The following PIEZO2 variants were observed in gnomAD, a reference collection of about 807,000 sequenced individuals.
The protein encoded by PIEZO2 is piezo type mechanosensitive ion channel component 2, also known as piezo-type mechanosensitive ion channel component 2.
A neutral mutation model predicts 337.3 loss-of-function variants in PIEZO2; 172 were observed. The observed-to-expected ratio is 0.51, with a 90% CI of 0.45 to 0.58. The LOEUF (loss-of-function observed/expected upper bound fraction) is 0.58, where lower values mean the gene tolerates loss of function less well. Among genes scored for constraint, PIEZO2 ranks in the 20% least tolerant of loss-of-function variants. The pLI, the probability that PIEZO2 is intolerant of heterozygous loss-of-function variation, is 0.00. For synonymous variants in PIEZO2, 1,251 were observed against 1,228.5 expected (o/e 1.02, Z -0.38); for missense variants, 3,028 against 3,391.3 (o/e 0.89, Z 2.66).
intron 33 of PIEZO2, chr18:10,740,793 G>A: frequency 1.5e-6 from 1 of 656,812 alleles, no homozygotes; most frequent in Non-Finnish European, 2.8e-6. Context: ...TAAGCCACGT[G>A]TTTGGCTTTC....
intron 3 of PIEZO2, among the ~76,000 whole-genome samples, chr18:10,970,728 C>T (rs1196447422): frequency 6.7e-6 from 1 of 149,174 alleles, no homozygotes; most frequent in Non-Finnish European, 1.5e-5. Flanking sequence ...TATGGTGAGT[C>T]AGGAGAAAGA....
intron 7 of PIEZO2, among the ~76,000 whole-genome samples, chr18:10,839,567 G>T (rs547714606): frequency 6.6e-6 from 1 of 152,306 alleles, no homozygotes; most frequent in African/African-American, 2.4e-5. Context: ...CACTTCATGT[G>T]CTGGCTGGTG....
intron 1 of PIEZO2, among the ~76,000 whole-genome samples, chr18:11,075,839 A>G (rs964434549): frequency 2.2e-5 from 3 of 139,026 alleles, no homozygotes; most frequent in African/African-American, 5.6e-5. Context: ...CCCAGGCTGG[A>G]GTGCAGTGGC....
intron 2 of PIEZO2, among the ~76,000 whole-genome samples, chr18:10,986,115 C>A (rs2034860517): frequency 6.6e-6 from 1 of 151,898 alleles, no homozygotes; most frequent in South Asian, 2.1e-4. Flanking sequence ...CAAAAGAAAA[C>A]TTAGGAATAC....
At chr18:11,138,440 C>A (rs371536608) in intron 1 of PIEZO2, among the ~76,000 whole-genome samples, 4 of 152,096 alleles carry the variant, frequency 2.6e-5, no homozygotes, top group Non-Finnish European at 4.4e-5. Flanking sequence ...GGACTACAGG[C>A]GTGTGCCACC....
rs935932860 is a variant in PIEZO2, at chr18:10,781,063, A to G, written c.2493-697T>C. Among the ~76,000 whole-genome samples, 3 of 152,016 alleles carry G rather than the reference A, an allele frequency of 2.0e-5. No homozygotes were observed. The highest frequency in any genetic ancestry group is 7.2e-5 in the African/African-American group (3 of 41,404). On this transcript the variant is annotated intron_variant, in intron 17 of 55. Coordinates refer to ENST00000674853, the MANE Select transcript of PIEZO2 (RefSeq NM_001378183.1). The surrounding 1 kb of genome is among the most constrained non-coding windows in gnomAD (Gnocchi z 4.1). ...AGGATCCTACTCAGCGGCCATATTC[A>G]ACATGTTGTTTTCTAAGGTTTTGCT... is the stretch of plus-strand genomic sequence containing the variant.
intron 1 of PIEZO2, among the ~76,000 whole-genome samples, chr18:11,117,103 C>A (rs187810397): frequency 2.0e-5 from 3 of 152,024 alleles, no homozygotes; most frequent in East Asian, 3.9e-4. Context: ...AAGATTCTGT[C>A]CCCCCCACAA....
chr18:10,680,370 C>T lies in PIEZO2; in HGVS notation c.7781G>A (p.Gly2594Asp), dbSNP rs769464245. ...KFIQAFSRDTGAMQFLENYEK... is the reference protein window; with the variant it reads ...KFIQAFSRDTDAMQFLENYEK... ...ATAATTTTCCAGAAATTGCATAGCA[C>T]CCTGTATGTGCACAAATGCACATGC... Residue 2594 changes from glycine to aspartate, a missense_variant and splice_region_variant, in exon 52 of 56, where the codon GGT becomes GAT. Around this residue, in one of 5 missense-constraint regions of PIEZO2, gnomAD observed 332 missense variants for 363.8 expected, o/e 0.91. Transcript: ENST00000674853. The T allele has an allele frequency of 6.2e-7, 1 of 1,613,130 alleles. No individual in the cohort carries two copies. Among genetic ancestry groups the T allele is most frequent in the Non-Finnish European group, 8.5e-7 (1 of 1,179,472 alleles).
At chr18:10,684,132 CTCTT>C (rs1285060192) in intron 49 of PIEZO2, among the ~76,000 whole-genome samples, 31 of 120,086 alleles carry the variant, frequency 2.6e-4, no homozygotes, top group Non-Finnish European at 3.5e-4. Context: ...TTCTCTCTCT[CTCTT>C]TCTTTCTCTG....
chr18:10,866,389 G>A (rs1037625322), intron 5 of PIEZO2, among the ~76,000 whole-genome samples: 7 of 151,538 alleles, frequency 4.6e-5, no homozygotes, highest in South Asian at 2.1e-4. Flanking sequence ...AGGTTCAAGC[G>A]ATTCTCCTGC....
rs1258156248 is a variant in PIEZO2 at position 11,105,903 on chromosome 18, T to A, written c.65-39681A>T. 1.3e-5 allele frequency among the ~76,000 whole-genome samples: 2 copies of A among 152,202 alleles called. No individual in the cohort carries two copies. The highest frequency in any genetic ancestry group is 2.4e-5 in the African/African-American group (1 of 41,454). On this transcript the variant is annotated intron_variant, in intron 1 of 55. Transcript: ENST00000674853. This position sits in a 1 kb window ranked among gnomAD's most constrained non-coding sequence, Gnocchi z 4.3. ...CAATCTAGTCCTTCTTCTGTAGGGT[T>A]ATCTGACTGATTTAGGTCATTCCAA...
At chr18:10,785,884 A>T (rs1185972704) in intron 16 of PIEZO2, among the ~76,000 whole-genome samples, 1 of 152,148 alleles carries the variant, frequency 6.6e-6, no homozygotes, top group African/African-American at 2.4e-5. Context: ...CAAGAATAAA[A>T]TACAAATAAT....
intron 2 of PIEZO2, among the ~76,000 whole-genome samples, chr18:11,026,133 C>G (rs1184201704): frequency 1.3e-5 from 2 of 152,196 alleles, no homozygotes; most frequent in Non-Finnish European, 2.9e-5. Context: ...TACAAACATG[C>G]AATTGAGTTG....
chr18:10,788,979 C>G, intron 15 of PIEZO2, 100 bp downstream of exon 15: 1 of 1,286,480 alleles, frequency 7.8e-7, no homozygotes, highest in Non-Finnish European at 1.0e-6. Flanking sequence ...TCACTTTATC[C>G]ATGTTCATGA....
rs2036496424 is a variant in PIEZO2, at chr18:10,725,471, G to T, written c.5029+5936C>A. ...TGTGGCATGAAATAGGTCAGGGTGT[G>T]GGTATCCGGGTGGATGGGTAGGCAT... On this transcript the variant is annotated intron_variant, in intron 36 of 55. Coordinates refer to ENST00000674853, the MANE Select transcript of PIEZO2 (RefSeq NM_001378183.1). 5 of 1,539,758 alleles carry T rather than the reference G, an allele frequency of 3.2e-6. No individual in the cohort carries two copies. The Admixed American group carries it at 8.6e-5, about 27-fold the overall frequency.
chr18:10,791,137 G>A (rs1230820862), intron 14 of PIEZO2, 64 bp downstream of exon 14: 16 of 1,422,928 alleles, frequency 1.1e-5, no homozygotes, highest in Non-Finnish European at 1.5e-5. Context: ...ATGTATTTTG[G>A]GGCTCTTTCT....
intron 4 of PIEZO2, among the ~76,000 whole-genome samples, chr18:10,897,611 G>C (rs1326336739): frequency 2.6e-5 from 4 of 152,182 alleles, no homozygotes; most frequent in Non-Finnish European, 5.9e-5. Flanking sequence ...CAGCCACGTG[G>C]AACTGTGAGT....
At position 10,718,477 on chromosome 18, in the gene PIEZO2, C is replaced by T. The variant is rs148788135; in HGVS notation, c.5030-218G>A. Among the ~76,000 whole-genome samples the T allele has an allele frequency of 3.5e-3, 537 of 152,326 alleles. 5 individuals carry two copies. Among genetic ancestry groups the T allele is most frequent in the African/African-American group, 0.012 (505 of 41,574 alleles). On this transcript the variant is annotated intron_variant, in intron 36 of 55. Transcript: ENST00000674853. ...AAATCAAGGATGTGTAAACTACATT[C>T]GCTGGTGGGTACCGGCCAGTACTCG...
chr18:10,697,672 C>T, intron 45 of PIEZO2, 76 bp downstream of exon 45: 1 of 1,545,808 alleles, frequency 6.5e-7, no homozygotes, highest in Non-Finnish European at 8.7e-7. Flanking sequence ...CTCTGCTCTG[C>T]TCCTGGTTTA....
Sources: gnomAD v4.1 joint callset for allele counts (sites outside exome capture counted in the v4.1 genomes callset) on GRCh38, gnomAD v4.1.1 for gene constraint, gnomAD v4.1.1 regional missense constraint, Gnocchi (gnomAD v3.1) non-coding constraint, MANE v1.5 for transcripts, NCBI Gene and HGNC (gene_info 2026-07-23, HGNC 2026-07-21) for gene names.